COL6A1: variants seen among roughly 807,000 people sequenced by gnomAD.
COL6A1 encodes collagen type VI alpha 1 chain, also known as collagen alpha-1(VI) chain.
Under a neutral mutation model 145.6 loss-of-function variants are expected in COL6A1, and 80 were observed. That is an observed-to-expected ratio of 0.55 (90% CI 0.46 to 0.66). COL6A1 has a LOEUF of 0.66. COL6A1 is among the 30% of genes least tolerant of loss of function. The pLI, the probability that COL6A1 is intolerant of heterozygous loss-of-function variation, is 0.00. For synonymous variants in COL6A1, 638 were observed against 622.8 expected, an observed-to-expected ratio of 1.02 and a Z score of -0.36; for missense variants, 1,364 against 1,473.8, an observed-to-expected ratio of 0.93 and a Z score of 1.22.
chr21:45,990,495 ACGGCGTGAAGGTGACCCGGGGAG>A, intron 13 of COL6A1, 73 bp downstream of exon 13: 1 of 243,646 alleles, frequency 4.1e-6, no homozygotes, highest in Non-Finnish European at 7.0e-6. Flanking sequence ...GACGGAGTGG[ACGGCGTGAAGGTGACCCGGGGAG>A]GGATGGGGTG....
At chr21:45,993,886 C>T (rs923339279) in intron 19 of COL6A1, among the ~76,000 whole-genome samples, 2 of 152,224 alleles carry the variant, frequency 1.3e-5, no homozygotes, top group African/African-American at 4.8e-5. Context: ...GCCGGGTCCA[C>T]GGAGCTTGCT....
rs1306483392 is a variant in COL6A1, at chr21:45,988,954, A to G, written c.805-130A>G. The G allele has an allele frequency of 1.5e-5, 16 of 1,048,760 alleles. 1 individual carries two copies. The South Asian group carries it at 2.4e-4, about 15-fold the overall frequency. The allele number at this position is 1,048,760 out of a possible 1,614,324, so 65.0% of individuals were successfully genotyped here. A position where few individuals can be genotyped will look rare whatever the true frequency, so the allele number is the denominator to read the frequency against. ...CCCAGACCCAGGCTGACCAGATGTG[A>G]TGGGGAAGGTGCTTTAAAGCCCTTG... On this transcript the variant is annotated intron_variant, in intron 8 of 34. Coordinates refer to ENST00000361866, the MANE Select transcript of COL6A1 (RefSeq NM_001848.3).
At chr21:45,982,534 T>C (rs2077713996) in intron 1 of COL6A1, 100 bp from the exon 2 acceptor site, 16 of 1,563,052 alleles carry the variant, frequency 1.0e-5, no homozygotes, top group Non-Finnish European at 1.2e-5. Flanking sequence ...GGCCCGGGGC[T>C]CTGTGCTGCA....
chr21:45,996,501 G>A (rs1191740230), intron 20 of COL6A1, among the ~76,000 whole-genome samples: 1 of 152,256 alleles, frequency 6.6e-6, no homozygotes, highest in Non-Finnish European at 1.5e-5. Context: ...CTGGTAGTGG[G>A]GAAGTTGTAA....
chr21:45,989,209 CG>C, intron 9 of COL6A1, 72 bp downstream of exon 9: 1 of 1,488,278 alleles, frequency 6.7e-7, no homozygotes, highest in Middle Eastern at 2.0e-4. Flanking sequence ...CGGAAACTTC[CG>C]GAAGAGTGGC....
Position 46,002,602 on chromosome 21 carries a change from G to GGCCT in COL6A1, c.2328_2331dup (p.Ala778ProfsTer53), listed in dbSNP as rs1181285132. On this transcript the variant is annotated frameshift_variant, in exon 33 of 35. Coordinates refer to ENST00000361866, the MANE Select transcript of COL6A1 (RefSeq NM_001848.3). LOFTEE classifies it high-confidence loss of function. ...CCAGCTCAATGTCATTTCTTGCCAA[G>GGCCT]GCCTGGCACCATCCCAGGGCCGGCC... 1.2e-6 allele frequency: 2 copies of GGCCT among 1,614,134 alleles called. No homozygotes were observed. The highest frequency in any genetic ancestry group is 1.7e-6 in the Non-Finnish European group (2 of 1,180,012).
chr21:45,990,593 C>T (rs572544563), intron 13 of COL6A1, among the ~76,000 whole-genome samples, 171 bp downstream of exon 13: 11 of 37,958 alleles, frequency 2.9e-4, no homozygotes, highest in Non-Finnish European at 5.2e-4. Context: ...GAGGTGATCC[C>T]GGCAGGAGGG....
Position 46,001,263 on chromosome 21 carries a change from C to T in COL6A1, c.1833C>T (p.Cys611=), listed in dbSNP as rs142554239. ...MKMCSCCECK[C]GPIDLLFVLD... Reference sequence around the variant, plus strand: ...CGCCCCCGCCTGCAGAATGCAAGTGCGGCCCCATCGACCTCCTGTTCGTGC... The same window carrying T: ...CGCCCCCGCCTGCAGAATGCAAGTGTGGCCCCATCGACCTCCTGTTCGTGC... The change falls in exon 30 of 35, where the codon TGC becomes TGT. Residue 611 remains cysteine (C), a synonymous_variant. Coordinates refer to ENST00000361866, the MANE Select transcript of COL6A1 (RefSeq NM_001848.3). 3.0e-4 allele frequency: 484 copies of T among 1,608,560 alleles called. No individual in the cohort carries two copies. In the African/African-American group the frequency reaches 6.0e-3, roughly 20 times the overall value.
In COL6A1 at chr21:45,992,792, G is replaced by A. The variant is rs1569518379; in HGVS notation, c.1317G>A (p.Arg439=). 1.2e-6 allele frequency: 2 copies of A among 1,600,540 alleles called. No homozygotes were observed. Among genetic ancestry groups the A allele is most frequent in the East Asian group, 2.2e-5 (1 of 44,458 alleles). The change falls in exon 19 of 35, where the codon CGG becomes CGA. Residue 439 remains arginine (R), a synonymous_variant. Coordinates refer to ENST00000361866, the MANE Select transcript of COL6A1 (RefSeq NM_001848.3). ...GACCACGGGGGACCCCAGGCACGCG[G>A]GGACCAAGAGGAGACCCTGTGAGTC... ...ERGPRGTPGT[R]GPRGDPGEAG...
chr21:45,991,996 C>T lies in COL6A1; in HGVS notation c.1120-14C>T. 6.4e-7 allele frequency: 1 copy of T among 1,571,210 alleles called. No individual in the cohort carries two copies. Among genetic ancestry groups the T allele is most frequent in the Non-Finnish European group, 8.6e-7 (1 of 1,158,878 alleles). On this transcript the variant is annotated splice_polypyrimidine_tract_variant and intron_variant, in intron 15 of 34. Coordinates refer to ENST00000361866, the MANE Select transcript of COL6A1 (RefSeq NM_001848.3). ...ACCCCTGCCAGCGTGTGTGACTCCC[C>T]CGGTCTTCCCCAGGGCGAGCCTGGA...
intron 28 of COL6A1, 123 bp from the exon 29 acceptor site, chr21:46,000,636 G>A (rs949235872): frequency 1.1e-5 from 15 of 1,371,376 alleles, no homozygotes; most frequent in East Asian, 2.3e-5. Flanking sequence ...GCCGGGGAAG[G>A]GGGGAGGCCG....
chr21:46,000,062 C>G, intron 27 of COL6A1, among the ~76,000 whole-genome samples: 1 of 139,134 alleles, frequency 7.2e-6, no homozygotes. Flanking sequence ...GTGTGAGGAT[C>G]ATGGGGGGAC....
chr21:46,000,510 C>G (rs894680087), intron 28 of COL6A1, 143 bp downstream of exon 28: 1 of 1,187,068 alleles, frequency 8.4e-7, no homozygotes, highest in Non-Finnish European at 1.2e-6. Flanking sequence ...CAGCCCCTAC[C>G]GGCCTCCAAA....
Position 45,986,645 on chromosome 21 carries a change from G to T in COL6A1, c.548G>T (p.Gly183Val). 6.4e-7 allele frequency: 1 copy of T among 1,551,886 alleles called. No homozygotes were observed. Among genetic ancestry groups the T allele is most frequent in the Non-Finnish European group, 8.7e-7 (1 of 1,147,908 alleles). Reference sequence around the variant, plus strand: ...GCTGTGAACGAGGCCAAGCACCTGGGCGTCAAAGTCTTCTCGGTGGCCATC... The same window carrying T: ...GCTGTGAACGAGGCCAAGCACCTGGTCGTCAAAGTCTTCTCGGTGGCCATC... ...EDAVNEAKHLGVKVFSVAITP... is the reference protein window; with the variant it reads ...EDAVNEAKHLVVKVFSVAITP... The change falls in exon 4 of 35, where the codon GGC becomes GTC. Residue 183 changes from glycine (G) to valine (V), a missense_variant. Around this residue, in one of 3 missense-constraint regions of COL6A1, gnomAD observed 414 missense variants for 437.6 expected, o/e 0.95. Transcript: ENST00000361866.
chr21:45,997,360 C>A, intron 20 of COL6A1, 61 bp from the exon 21 acceptor site: 1 of 1,510,650 alleles, frequency 6.6e-7, no homozygotes, highest in Non-Finnish European at 9.2e-7. Context: ...AGCTTAGGGT[C>A]AGGGAGGGCT....
intron 34 of COL6A1, 51 bp from the exon 35 acceptor site, chr21:46,003,340 C>T (rs775680365): frequency 3.9e-5 from 63 of 1,600,274 alleles, no homozygotes; most frequent in South Asian, 8.8e-5. Context: ...CGGCCCACTG[C>T]GGCTGCATCA....
In COL6A1 at chr21:46,004,090, C is replaced by G. The variant is rs1353244816; in HGVS notation, c.*77C>G. 3 of 1,552,382 alleles carry G rather than the reference C, an allele frequency of 1.9e-6. No homozygotes were observed. The highest frequency in any genetic ancestry group is 3.6e-5 in the Admixed American group (2 of 55,894). ...TCACTAAACAGAGTAAAATGTGATGCGAATTTTCCCGACCAACCTGATTCG... is the reference window on the plus strand; with the variant it reads ...TCACTAAACAGAGTAAAATGTGATGGGAATTTTCCCGACCAACCTGATTCG... On this transcript the variant is annotated 3_prime_UTR_variant, in exon 35 of 35. Coordinates refer to ENST00000361866, the MANE Select transcript of COL6A1 (RefSeq NM_001848.3).
intron 20 of COL6A1, among the ~76,000 whole-genome samples, chr21:45,995,897 G>T (rs1442314389): frequency 2.6e-5 from 4 of 151,752 alleles, no homozygotes; most frequent in Non-Finnish European, 4.4e-5. Context: ...AGCCACATTT[G>T]TCCATCGGGA....
chr21:46,002,490 G>A (rs758229361), intron 32 of COL6A1, 37 bp from the exon 33 acceptor site: 1 of 1,613,532 alleles, frequency 6.2e-7, no homozygotes, highest in Non-Finnish European at 8.5e-7. Context: ...CGAGGGCAGA[G>A]CAGGCTGCGC....
Sources: allele counts gnomAD v4.1 joint callset (sites outside exome capture counted in the v4.1 genomes callset), GRCh38; gene constraint gnomAD v4.1.1; regional missense constraint gnomAD v4.1.1; transcripts MANE v1.5; gene names NCBI Gene and HGNC (gene_info 2026-07-23, HGNC 2026-07-21).